Variants in TRMT6 observed in about 807,000 individuals in gnomAD.
The protein encoded by TRMT6 is tRNA methyltransferase 6 non-catalytic subunit.
TRMT6 carries 34 observed loss-of-function variants against 59.0 expected under a neutral mutation model. The ratio of observed to expected loss-of-function variants is 0.58; its 90% CI spans 0.44 to 0.77. TRMT6 has a LOEUF of 0.77. TRMT6 is among the 30% of genes least tolerant of loss of function. The pLI is 0.00. For missense variants in TRMT6, 575 were observed against 604.5 expected, an observed-to-expected ratio of 0.95 and a Z score of 0.51; for synonymous variants, 217 against 210.5, an observed-to-expected ratio of 1.03 and a Z score of -0.27.
rs1445057466 is a variant in TRMT6 at position 5,938,508 on chromosome 20, CA to C, written c.*26del. ...TTACTAACTGTATAATGCCTGAGAA[CA>C]AAATTCAGAGCAATTCTCAAAAGGG... On this transcript the variant is annotated 3_prime_UTR_variant, in exon 11 of 11. Coordinates refer to ENST00000203001, the MANE Select transcript of TRMT6 (RefSeq NM_015939.5). 2 of 1,596,972 alleles carry C rather than the reference CA, an allele frequency of 1.3e-6. No homozygotes were observed. The highest frequency in any genetic ancestry group is 2.7e-5 in the African/African-American group (2 of 74,094).
intron 7 of TRMT6, 95 bp from the exon 8 acceptor site, chr20:5,942,131 T>C (rs1287334570): frequency 8.6e-7 from 1 of 1,156,718 alleles, no homozygotes; most frequent in South Asian, 1.3e-5. Flanking sequence ...ACAATATTTA[T>C]CAACTTGGAC....
At chr20:5,949,578 C>G (rs2088755865) in intron 1 of TRMT6, among the ~76,000 whole-genome samples, 1 of 152,170 alleles carries the variant, frequency 6.6e-6, no homozygotes, top group African/African-American at 2.4e-5. Flanking sequence ...GAGCAAATTG[C>G]TTTTTAGCAA....
At chr20:5,943,769 T>G in intron 5 of TRMT6, 86 bp from the exon 6 acceptor site, 1 of 1,555,644 alleles carries the variant, frequency 6.4e-7, no homozygotes, top group Non-Finnish European at 8.7e-7. Flanking sequence ...GTTTGCTTTA[T>G]TAAAATTGTG....
At chr20:5,950,000 C>T (rs2088768889) in intron 1 of TRMT6, among the ~76,000 whole-genome samples, 2 of 152,056 alleles carry the variant, frequency 1.3e-5, no homozygotes, top group African/African-American at 4.8e-5. Context: ...TGTGGAAAGA[C>T]TGAAAAGGAT....
At position 5,938,501 on chromosome 20, in the gene TRMT6, C is replaced by T; in HGVS notation, c.*34G>A. 3 of 1,592,814 alleles carry T rather than the reference C, an allele frequency of 1.9e-6. No individual in the cohort carries two copies. In the South Asian group the frequency reaches 3.4e-5, roughly 18 times the overall value. On this transcript the variant is annotated 3_prime_UTR_variant, in exon 11 of 11. Coordinates refer to ENST00000203001, the MANE Select transcript of TRMT6 (RefSeq NM_015939.5). ...AGTTTAATTACTAACTGTATAATGC[C>T]TGAGAACAAAATTCAGAGCAATTCT...
intron 1 of TRMT6, among the ~76,000 whole-genome samples, chr20:5,948,689 A>G (rs1164249542): frequency 6.6e-6 from 1 of 152,182 alleles, no homozygotes; most frequent in Non-Finnish European, 1.5e-5. Flanking sequence ...AAAAAAATTA[A>G]TTAGTTTAAA....
At chr20:5,945,883 A>T (rs2088701361) in intron 2 of TRMT6, among the ~76,000 whole-genome samples, 1 of 152,220 alleles carries the variant, frequency 6.6e-6, no homozygotes, top group Admixed American at 6.5e-5. Context: ...GACACTATTC[A>T]GAACTTCCTA....
chr20:5,948,002 A>G (rs1457789313), intron 1 of TRMT6, among the ~76,000 whole-genome samples: 1 of 152,170 alleles, frequency 6.6e-6, no homozygotes, highest in African/African-American at 2.4e-5. Flanking sequence ...AAAGTACACA[A>G]ATTAGTTACT....
chr20:5,943,838 T>C (rs943578192), intron 5 of TRMT6, 110 bp downstream of exon 5: 15 of 1,523,030 alleles, frequency 9.8e-6, no homozygotes, highest in African/African-American at 1.4e-5. Context: ...ATTTATGAGG[T>C]AGGAGGATAC....
At chr20:5,941,607 C>G (rs2088656861) in intron 8 of TRMT6, 6 of 550,460 alleles carry the variant, frequency 1.1e-5, no homozygotes, top group African/African-American at 1.9e-5. Flanking sequence ...TAAAAAAAAT[C>G]ACCTGGAAAC....
chr20:5,942,472 G>A lies in TRMT6; in HGVS notation c.982C>T (p.Pro328Ser), dbSNP rs1231605667. 2.5e-6 allele frequency: 4 copies of A among 1,613,884 alleles called. No homozygotes were observed. Among genetic ancestry groups the A allele is most frequent in the East Asian group, 2.2e-5 (1 of 44,884 alleles). ...QETMETISQD[P>S]EHKGPKERGS... ...CTCTCTTTAGGCCCCTTATGTTCTG[G>A]ATCTTGAGAAATTGTTTCCATTGTT... The change falls in exon 7 of 11, where the codon CCA becomes TCA. Residue 328 changes from proline to serine, a missense_variant. By Grantham distance (74) the Pro-to-Ser change is moderately conservative (BLOSUM62 -1). Transcript: ENST00000203001.
chr20:5,943,499 G>A (rs2088677223), intron 6 of TRMT6, 60 bp downstream of exon 6: 2 of 1,588,224 alleles, frequency 1.3e-6, no homozygotes, highest in African/African-American at 1.4e-5. Context: ...TTACATTTTT[G>A]GACCACCTTT....
Position 5,950,501 on chromosome 20 carries a change from A to T in TRMT6, c.-96T>A. 5 of 1,390,402 alleles carry T rather than the reference A, an allele frequency of 3.6e-6. No individual in the cohort carries two copies. Among genetic ancestry groups the T allele is most frequent in the Non-Finnish European group, 4.7e-6 (5 of 1,052,662 alleles). 86.1% of individuals were successfully genotyped at this position (1,390,402 alleles called of 1,614,324 possible). Reference sequence around the variant, plus strand: ...ACTTCCCACAACCTGGCGCACTAGGAGCCCTCCGACCGGCACCGCCCCCAC... The same window carrying T: ...ACTTCCCACAACCTGGCGCACTAGGTGCCCTCCGACCGGCACCGCCCCCAC... On this transcript the variant is annotated 5_prime_UTR_variant, in exon 1 of 11. Transcript: ENST00000203001.
In TRMT6 at chr20:5,944,053, C is replaced by T. The variant is rs377148631; in HGVS notation, c.459-22G>A. On this transcript the variant is annotated intron_variant, in intron 4 of 10. Coordinates refer to ENST00000203001, the MANE Select transcript of TRMT6 (RefSeq NM_015939.5). ...ATATCTGGGGGAAGAAAAAACAGAA[C>T]GCTGATTTAAAAAAATGACTTAAAA... 42 of 1,529,572 alleles carry T rather than the reference C, an allele frequency of 2.7e-5. No homozygotes were observed. In the East Asian group the frequency reaches 5.3e-4, roughly 19 times the overall value. The allele number at this position is 1,529,572 out of a possible 1,614,324, so 94.8% of individuals were successfully genotyped here.
At chr20:5,941,490 A>G (rs1281236932) in intron 8 of TRMT6, 145 bp from the exon 9 acceptor site, 1 of 656,972 alleles carries the variant, frequency 1.5e-6, no homozygotes, top group Admixed American at 2.9e-5. Flanking sequence ...GAAATCCAAA[A>G]CAGAATACAA....
At chr20:5,948,381 T>C (rs2088726753) in intron 1 of TRMT6, among the ~76,000 whole-genome samples, 1 of 152,142 alleles carries the variant, frequency 6.6e-6, no homozygotes, top group Admixed American at 6.5e-5. Context: ...CAGATGAGTG[T>C]AGCCCCAAGG....
intron 6 of TRMT6, 28 bp from the exon 7 acceptor site, chr20:5,942,814 GC>G: frequency 6.4e-7 from 1 of 1,567,074 alleles, no homozygotes; most frequent in Non-Finnish European, 8.7e-7. Context: ...ACAAACATCT[GC>G]CCGTGGAGTG....
Position 5,942,775 on chromosome 20 carries a change from T to C in TRMT6, c.679A>G (p.Ile227Val), listed in dbSNP as rs756418742. The C allele has an allele frequency of 6.2e-7, 1 of 1,612,684 alleles. No homozygotes were observed. The highest frequency in any genetic ancestry group is 1.1e-5 in the South Asian group (1 of 91,056). ...MMERMGGFGS[I>V]IQLYPGGGPV... is the part of the protein sequence containing the mutation. ...CCTCCTCCAGGGTATAGCTGAATAA[T>C]GGAGCCAAAACCTGAACAGATAAAA... Residue 227 changes from isoleucine (I) to valine (V), a missense_variant, in exon 7 of 11, where the codon ATT becomes GTT. By Grantham distance (29) the Ile-to-Val change is conservative. Coordinates refer to ENST00000203001, the MANE Select transcript of TRMT6 (RefSeq NM_015939.5).
intron 10 of TRMT6, among the ~76,000 whole-genome samples, chr20:5,940,260 T>TA (rs1174871311): frequency 2.0e-5 from 3 of 152,192 alleles, no homozygotes; most frequent in Non-Finnish European, 4.4e-5. Context: ...ATAAATCTCT[T>TA]ACACTTCAAC....
Sources: gnomAD v4.1 joint callset for allele counts (sites outside exome capture counted in the v4.1 genomes callset) on GRCh38, gnomAD v4.1.1 for gene constraint, MANE v1.5 for transcripts, NCBI Gene and HGNC (gene_info 2026-07-23, HGNC 2026-07-21) for gene names.